The following NPNT variants were observed in gnomAD, a reference collection of about 807,000 sequenced individuals.
NPNT encodes preosteoblast EGF-like repeat protein with MAM domain.
Under a neutral mutation model 68.6 loss-of-function variants are expected in NPNT, and 45 were observed. The ratio of observed to expected loss-of-function variants is 0.66; its 90% confidence interval spans 0.52 to 0.84. The LOEUF (loss-of-function observed/expected upper bound fraction) is 0.84, where lower values mean the gene tolerates loss of function less well. Ranked by LOEUF, NPNT falls within the 40% of genes least tolerant of loss-of-function variation. The pLI, the probability that NPNT is intolerant of heterozygous loss-of-function variation, is 0.00. For synonymous variants in NPNT, 233 were observed against 253.3 expected (o/e 0.92, Z 0.76); for missense variants, 672 against 714.8 (o/e 0.94, Z 0.68).
intron 2 of NPNT, among the ~76,000 whole-genome samples, chr4:105,906,514 CA>C (rs1726911362): frequency 6.6e-6 from 1 of 152,162 alleles, no homozygotes; most frequent in South Asian, 2.1e-4. Flanking sequence ...CAGCTAGATA[CA>C]GCCCAGAATA....
chr4:105,900,677 ATGC>A (rs1726325590), intron 2 of NPNT, among the ~76,000 whole-genome samples: 7 of 152,010 alleles, frequency 4.6e-5, no homozygotes, highest in African/African-American at 1.7e-4. Flanking sequence ...AGGATCAGAG[ATGC>A]TACTCAAATG....
At chr4:105,898,357 TC>T (rs1453382955) in intron 2 of NPNT, among the ~76,000 whole-genome samples, 2,152 of 141,912 alleles carry the variant, frequency 0.015, 84 homozygotes, top group African/African-American at 0.053. Context: ...TCTCTCTCTC[TC>T]TCTCTCTCTC....
intron 2 of NPNT, among the ~76,000 whole-genome samples, chr4:105,916,025 C>T (rs1050898405): frequency 5.3e-5 from 8 of 151,998 alleles, no homozygotes; most frequent in African/African-American, 1.9e-4. Context: ...TCCAGTTTAC[C>T]GTTTTGGCAA....
chr4:105,968,865 G>C (rs746639924), intron 11 of NPNT, 30 bp from the exon 12 acceptor site: 2 of 1,334,406 alleles, frequency 1.5e-6, no homozygotes, highest in Admixed American at 1.7e-5. Context: ...GGCAGAGGAG[G>C]CTTGACTGGT....
At chr4:105,967,465 G>T (rs765176702) in intron 11 of NPNT, 21 bp downstream of exon 11, 10 of 1,525,392 alleles carry the variant, frequency 6.6e-6, no homozygotes, top group Non-Finnish European at 8.8e-6. Flanking sequence ...CCACAAAGGA[G>T]GCAGGACCTG....
At chr4:105,939,862 A>G (rs1030944450) in intron 5 of NPNT, among the ~76,000 whole-genome samples, 24 of 152,210 alleles carry the variant, frequency 1.6e-4, no homozygotes, top group African/African-American at 5.8e-4. Flanking sequence ...GCTAATATAT[A>G]GAGTGCAAGA....
At chr4:105,938,165 T>G in intron 4 of NPNT, 136 bp from the exon 5 acceptor site, 1 of 667,550 alleles carries the variant, frequency 1.5e-6, no homozygotes, top group Non-Finnish European at 2.5e-6. Context: ...TTTCTTTAGA[T>G]GTTTGATAGT....
At chr4:105,905,881 C>T (rs1335301191) in intron 2 of NPNT, among the ~76,000 whole-genome samples, 1 of 152,058 alleles carries the variant, frequency 6.6e-6, no homozygotes, top group African/African-American at 2.4e-5. Flanking sequence ...TAAATCATGG[C>T]TAATATTACA....
intron 1 of NPNT, chr4:105,896,042 A>C: frequency 2.6e-6 from 1 of 380,044 alleles, no homozygotes; most frequent in Non-Finnish European, 4.8e-6. Flanking sequence ...CGGTTTAGCC[A>C]CCTACGCCGA....
At chr4:105,961,468 G>A (rs1004387374) in intron 10 of NPNT, among the ~76,000 whole-genome samples, 1 of 152,164 alleles carries the variant, frequency 6.6e-6, no homozygotes, top group African/African-American at 2.4e-5. Flanking sequence ...AAACTCAGGA[G>A]AATTCACTGC....
chr4:105,946,512 A>G (rs1293617986), intron 8 of NPNT, among the ~76,000 whole-genome samples: 2 of 152,134 alleles, frequency 1.3e-5, no homozygotes, highest in Non-Finnish European at 2.9e-5. Context: ...GCTGGCTGAG[A>G]AATAAAGAGA....
intron 2 of NPNT, chr4:105,927,125 C>T: frequency 3.1e-6 from 1 of 317,596 alleles, no homozygotes; most frequent in South Asian, 1.1e-4. Context: ...TTTTTTCAGC[C>T]CCAACTGATA....
At chr4:105,936,742 T>G (rs1245983897) in intron 3 of NPNT, among the ~76,000 whole-genome samples, 1 of 152,188 alleles carries the variant, frequency 6.6e-6, no homozygotes, top group African/African-American at 2.4e-5. Flanking sequence ...CTAGGGTTGA[T>G]AAGGTAGGCA....
intron 1 of NPNT, among the ~76,000 whole-genome samples, chr4:105,897,047 A>G (rs1326826878): frequency 6.6e-6 from 1 of 152,262 alleles, no homozygotes; most frequent in Admixed American, 6.5e-5. Context: ...GAATGCATAT[A>G]GCTTTTTGTA....
chr4:105,954,974 T>A (rs540954756), intron 8 of NPNT, among the ~76,000 whole-genome samples: 13 of 152,234 alleles, frequency 8.5e-5, no homozygotes, highest in Non-Finnish European at 1.8e-4. Flanking sequence ...TCTTAGCCCA[T>A]GCTTTGTATA....
chr4:105,933,021 AT>A lies in NPNT; in HGVS notation c.266-3986del, dbSNP rs1264000516. ...ATTCAGGAGTTCCAAAGCAACTGAA[AT>A]TGGGGGTTTGATGCCTTTTGCCAAG... is the stretch of plus-strand genomic sequence containing the variant. On this transcript the variant is annotated intron_variant, in intron 3 of 11. Transcript: ENST00000379987. Among the ~76,000 whole-genome samples the A allele has an allele frequency of 3.3e-5, 5 of 152,324 alleles. No homozygotes were observed. In the East Asian group the frequency reaches 9.6e-4, roughly 29 times the overall value.
chr4:105,901,047 T>C (rs2149315348), intron 2 of NPNT, among the ~76,000 whole-genome samples: 1 of 152,326 alleles, frequency 6.6e-6, no homozygotes, highest in East Asian at 1.9e-4. Flanking sequence ...CTTAAACCAC[T>C]CAGAGGTTTG....
chr4:105,944,397 TTAATG>T (rs1235787434), intron 8 of NPNT, among the ~76,000 whole-genome samples: 1 of 152,166 alleles, frequency 6.6e-6, no homozygotes, highest in East Asian at 1.9e-4. Context: ...ATTTGGCTAT[TTAATG>T]TAAGATGATA....
At chr4:105,897,167 C>T (rs1179466689) in intron 1 of NPNT, among the ~76,000 whole-genome samples, 1 of 152,148 alleles carries the variant, frequency 6.6e-6, no homozygotes, top group Non-Finnish European at 1.5e-5. Context: ...AATGTGTCAA[C>T]GTGTAATCAG....
Sources: allele counts gnomAD v4.1 joint callset (sites outside exome capture counted in the v4.1 genomes callset), GRCh38; gene constraint gnomAD v4.1.1; transcripts MANE v1.5; gene names NCBI Gene and HGNC (gene_info 2026-07-23, HGNC 2026-07-21).